Variants in FAT3 observed in about 807,000 individuals in gnomAD.
FAT3 encodes protocadherin Fat 3.
FAT3 carries 95 observed loss-of-function variants against 310.2 expected under a neutral mutation model. That is an observed-to-expected ratio of 0.31 (90% CI 0.26 to 0.36). The LOEUF (loss-of-function observed/expected upper bound fraction) is 0.36. Among genes scored for constraint, FAT3 ranks in the 10% least tolerant of loss-of-function variants. The pLI is 1.00. For synonymous variants in FAT3, 2,314 were observed against 2,192.9 expected (o/e 1.06, Z -1.54); for missense variants, 5,408 against 5,715.6 (o/e 0.95, Z 1.74).
At chr11:92,519,357 A>G (rs541213689) in intron 2 of FAT3, among the ~76,000 whole-genome samples, 1 of 152,236 alleles carries the variant, frequency 6.6e-6, no homozygotes, top group East Asian at 1.9e-4. Context: ...ATAAACTTAG[A>G]TCTATATCTT....
At position 92,852,991 on chromosome 11, in the gene FAT3, C is replaced by G. The variant is rs373494944; in HGVS notation, c.11366-4223C>G. Among the ~76,000 whole-genome samples, 26 of 152,326 alleles carry G rather than the reference C, an allele frequency of 1.7e-4. No homozygotes were observed. The South Asian group carries it at 5.0e-3, about 29-fold the overall frequency. On this transcript the variant is annotated intron_variant, in intron 19 of 27. Transcript: ENST00000525166. ...GTGTTGCTTCTCCAGCTGAAAACCT[C>G]TATGGCTGGTGACACCTTTTGCCTG...
chr11:92,357,784 A>G (rs918450773), intron 2 of FAT3, among the ~76,000 whole-genome samples: 3 of 152,050 alleles, frequency 2.0e-5, no homozygotes, highest in African/African-American at 7.2e-5. Flanking sequence ...CCCACAGGTA[A>G]CTTGCTACAG....
chr11:92,567,584 C>G (rs1008515859), intron 3 of FAT3, among the ~76,000 whole-genome samples: 1 of 151,762 alleles, frequency 6.6e-6, no homozygotes, highest in East Asian at 1.9e-4. Context: ...GACACATGCA[C>G]ACGTATGTTT....
chr11:92,285,087 T>A (rs552210681), intron 1 of FAT3, among the ~76,000 whole-genome samples: 1 of 152,268 alleles, frequency 6.6e-6, no homozygotes, highest in South Asian at 2.1e-4. Flanking sequence ...GCAGTGAATG[T>A]CATTAAATCA....
At chr11:92,620,619 C>T (rs912618588) in intron 3 of FAT3, among the ~76,000 whole-genome samples, 9 of 152,078 alleles carry the variant, frequency 5.9e-5, no homozygotes, top group African/African-American at 2.2e-4. Context: ...TTATTAAGTA[C>T]ATTCTCATTC....
intron 1 of FAT3, among the ~76,000 whole-genome samples, chr11:92,283,981 G>A (rs946614209): frequency 6.6e-6 from 1 of 151,896 alleles, no homozygotes; most frequent in Non-Finnish European, 1.5e-5. Flanking sequence ...TTATCTTTTT[G>A]TATTGCATTT....
At chr11:92,711,850 T>C (rs933397871) in intron 4 of FAT3, among the ~76,000 whole-genome samples, 2 of 152,224 alleles carry the variant, frequency 1.3e-5, no homozygotes, top group African/African-American at 4.8e-5. Context: ...TATAGTTTGA[T>C]ATTCTACCTT....
In FAT3 at chr11:92,831,808, C is replaced by T; in HGVS notation, c.9668C>T (p.Thr3223Ile). ...TCCCTGTCCTCTCTCACTACTGTCACCATCACCGTTCTGGACATTAATGAC... is the reference window on the plus strand; with the variant it reads ...TCCCTGTCCTCTCTCACTACTGTCATCATCACCGTTCTGGACATTAATGAC... ...GQSLSSLTTVTITVLDINDNP... is the reference protein window; with the variant it reads ...GQSLSSLTTVIITVLDINDNP... The change falls in exon 14 of 28, where the codon ACC becomes ATC. Residue 3223 changes from threonine to isoleucine, a missense_variant. Coordinates refer to ENST00000525166, the MANE Select transcript of FAT3 (RefSeq NM_001367949.2). The T allele has an allele frequency of 6.2e-7, 1 of 1,613,634 alleles. No individual in the cohort carries two copies. Among genetic ancestry groups the T allele is most frequent in the Middle Eastern group, 1.7e-4 (1 of 6,058 alleles).
At chr11:92,698,164 A>G (rs2135909480) in intron 4 of FAT3, among the ~76,000 whole-genome samples, 1 of 152,306 alleles carries the variant, frequency 6.6e-6, no homozygotes, top group Non-Finnish European at 1.5e-5. Flanking sequence ...AGGCTCTGTT[A>G]AGGTTTTATA....
At chr11:92,245,534 C>T (rs1864865578) in intron 1 of FAT3, among the ~76,000 whole-genome samples, 1 of 152,054 alleles carries the variant, frequency 6.6e-6, no homozygotes, top group Non-Finnish European at 1.5e-5. Flanking sequence ...AATGTCAATG[C>T]TGCTGCTCTG....
rs1949550206 is a variant in FAT3 at position 92,383,546 on chromosome 11, C to A, written c.3292+28142C>A. 2.0e-5 allele frequency among the ~76,000 whole-genome samples: 3 copies of A among 152,200 alleles called. No homozygotes were observed. The South Asian group carries it at 6.2e-4, about 32-fold the overall frequency. Reference sequence around the variant, plus strand: ...TTGGCTAGAAGGCCATGACCTAATCCCAGCCATTAGGAAAAATGTTGATGG... The same window carrying A: ...TTGGCTAGAAGGCCATGACCTAATCACAGCCATTAGGAAAAATGTTGATGG... On this transcript the variant is annotated intron_variant, in intron 2 of 27. Transcript: ENST00000525166.
intron 4 of FAT3, among the ~76,000 whole-genome samples, chr11:92,710,041 G>A (rs978860191): frequency 1.3e-5 from 2 of 152,236 alleles, no homozygotes; most frequent in South Asian, 2.1e-4. Context: ...CCAGGCTAAC[G>A]TATACCTTGC....
At position 92,800,478 on chromosome 11, in the gene FAT3, G is replaced by T. The variant is rs765769255; in HGVS notation, c.7465G>T (p.Ala2489Ser). 48 of 1,613,962 alleles carry T rather than the reference G, an allele frequency of 3.0e-5. No individual in the cohort carries two copies. In the Middle Eastern group the frequency reaches 1.7e-3, roughly 55 times the overall value. Reference sequence around the variant, plus strand: ...ACAGGTGCATATTAGGGTACTTGGGGCTAACTTGTACAGCCCTGCCTTTTC... The same window carrying T: ...ACAGGTGCATATTAGGGTACTTGGGTCTAACTTGTACAGCCCTGCCTTTTC... ...TAQVHIRVLG[A>S]NLYSPAFSQS... is the part of the protein sequence containing the mutation. Residue 2489 changes from alanine (A) to serine (S), a missense_variant, in exon 10 of 28, where the codon GCT becomes TCT. Around this residue, in one of 5 missense-constraint regions of FAT3, gnomAD observed 4,588 missense variants for 4,809.8 expected, o/e 0.95. Transcript: ENST00000525166.
intron 1 of FAT3, among the ~76,000 whole-genome samples, chr11:92,228,503 T>C (rs996369860): frequency 2.0e-5 from 3 of 152,196 alleles, no homozygotes; most frequent in Non-Finnish European, 4.4e-5. Flanking sequence ...AACATTTTGA[T>C]GTGTCAGGTT....
At chr11:92,682,134 A>C (rs1414995278) in intron 3 of FAT3, among the ~76,000 whole-genome samples, 2 of 152,176 alleles carry the variant, frequency 1.3e-5, no homozygotes, top group African/African-American at 2.4e-5. Context: ...ACTCATTGCA[A>C]AACCTTAGGC....
At position 92,805,263 on chromosome 11, in the gene FAT3, A is replaced by G. The variant is rs1050028836; in HGVS notation, c.9007A>G (p.Thr3003Ala). Residue 3003 changes from threonine (T) to alanine (A), a missense_variant, in exon 11 of 28, where the codon ACT becomes GCT. Physicochemically the swap from Thr to Ala is moderately conservative, Grantham distance 58 (BLOSUM62 0). Coordinates refer to ENST00000525166, the MANE Select transcript of FAT3 (RefSeq NM_001367949.2). ...EEQDIYFLNITATDGLFVTQA... is the reference protein window; with the variant it reads ...EEQDIYFLNIAATDGLFVTQA... ...ACAGGACATTTACTTTCTCAATATC[A>G]CTGCCACTGATGGGCTTTTTGTCAC... The G allele has an allele frequency of 1.2e-6, 2 of 1,613,818 alleles. No homozygotes were observed. The highest frequency in any genetic ancestry group is 3.3e-5 in the Admixed American group (2 of 60,008).
intron 1 of FAT3, among the ~76,000 whole-genome samples, chr11:92,315,935 G>A (rs1051249925): frequency 6.6e-6 from 1 of 152,048 alleles, no homozygotes; most frequent in Non-Finnish European, 1.5e-5. Context: ...TATTAAAATT[G>A]TATTAAATGA....
chr11:92,840,118 C>T (rs1281436703), intron 17 of FAT3, among the ~76,000 whole-genome samples: 2 of 152,190 alleles, frequency 1.3e-5, no homozygotes, highest in African/African-American at 4.8e-5. Flanking sequence ...AAATCTAATG[C>T]TGTGACATTG....
chr11:92,675,736 G>T (rs1943268030), intron 3 of FAT3, among the ~76,000 whole-genome samples: 1 of 152,112 alleles, frequency 6.6e-6, no homozygotes, highest in Admixed American at 6.6e-5. Flanking sequence ...GGGTCAAATT[G>T]AACTTAAATT....
Sources: gnomAD v4.1 joint callset for allele counts (sites outside exome capture counted in the v4.1 genomes callset) on GRCh38, gnomAD v4.1.1 for gene constraint, gnomAD v4.1.1 regional missense constraint, MANE v1.5 for transcripts, NCBI Gene and HGNC (gene_info 2026-07-23, HGNC 2026-07-21) for gene names.